SLC25A1: variants seen among roughly 807,000 people sequenced by gnomAD.
SLC25A1 encodes the protein tricarboxylate transport protein, mitochondrial.
In SLC25A1, 26 loss-of-function variants were observed where a neutral mutation model predicts 38.1. That is an observed-to-expected ratio of 0.68 (90% CI 0.50 to 0.95). The LOEUF (loss-of-function observed/expected upper bound fraction) is 0.95. Ranked by LOEUF, SLC25A1 falls within the 40% of genes least tolerant of loss-of-function variation. The probability of loss-of-function intolerance (pLI) is 0.00; values close to 1 mark genes in which losing one functional copy is unlikely to be tolerated. For missense variants in SLC25A1, 378 were observed against 426.6 expected (o/e 0.89, Z 1.00); for synonymous variants, 211 against 183.2 (o/e 1.15, Z -1.23).
At chr22:19,176,778 G>A in intron 6 of SLC25A1, 68 bp downstream of exon 6, 1 of 1,588,266 alleles carries the variant, frequency 6.3e-7, no homozygotes, top group Non-Finnish European at 8.6e-7. Flanking sequence ...CCGCCACCCA[G>A]GGGTGGCCCC....
At position 19,178,526 on chromosome 22, in the gene SLC25A1, C is replaced by T. The variant is rs1239242397; in HGVS notation, c.94+54G>A. 5 of 1,295,390 alleles carry T rather than the reference C, an allele frequency of 3.9e-6. No homozygotes were observed. The highest frequency in any genetic ancestry group is 2.5e-4 in the Middle Eastern group (1 of 3,950). The allele number at this position is 1,295,390 out of a possible 1,614,324, so 80.2% of individuals were successfully genotyped here. ...GAAGTGGGGCGGGGCCTCAGCGTCC[C>T]GGGCCCACCCAGAAGCGCGGCGGGA... is the stretch of plus-strand genomic sequence containing the variant. On this transcript the variant is annotated intron_variant, in intron 1 of 8. Transcript: ENST00000215882. This position sits in a 1 kb window ranked among gnomAD's most constrained non-coding sequence, Gnocchi z 4.9.
chr22:19,178,123 C>G lies in SLC25A1; in HGVS notation c.202+10G>C. ...CGCCCCCCGCGGCGCCGCGGCCTCC[C>G]CCTCCTCACCGATGCCCCGGTACCG... is the stretch of plus-strand genomic sequence containing the variant. On this transcript the variant is annotated intron_variant, in intron 2 of 8. Coordinates refer to ENST00000215882, the MANE Select transcript of SLC25A1 (RefSeq NM_005984.5). The surrounding 1 kb of genome is among the most constrained non-coding windows in gnomAD (Gnocchi z 4.9). The G allele has an allele frequency of 2.6e-6, 4 of 1,540,780 alleles. No homozygotes were observed. Among genetic ancestry groups the G allele is most frequent in the Non-Finnish European group, 3.5e-6 (4 of 1,143,180 alleles).
At position 19,176,136 on chromosome 22, in the gene SLC25A1, C is replaced by G. The variant is rs782063908; in HGVS notation, c.930G>C (p.Thr310=). The part of the protein sequence containing the change: ...VVKLLNKVWK[T]D Reference sequence around the variant, plus strand: ...CCTTGCGGCCTCTCTAGGCTTAGTCCGTCTTCCACACTTTGTTGAGCAGCT... The same window carrying G: ...CCTTGCGGCCTCTCTAGGCTTAGTCGGTCTTCCACACTTTGTTGAGCAGCT... Residue 310 remains threonine (T), a synonymous_variant, in exon 9 of 9, where the codon ACG becomes ACC. Transcript: ENST00000215882. 1.2e-6 allele frequency: 2 copies of G among 1,613,568 alleles called. No individual in the cohort carries two copies. The highest frequency in any genetic ancestry group is 2.2e-5 in the South Asian group (2 of 91,064).
intron 3 of SLC25A1, 32 bp from the exon 4 acceptor site, chr22:19,177,897 C>G: frequency 1.3e-6 from 2 of 1,582,294 alleles, no homozygotes; most frequent in Non-Finnish European, 8.6e-7. Context: ...GAGGGGCTGC[C>G]GCGGCCGAGC....
In SLC25A1 at chr22:19,178,223, T is replaced by C; in HGVS notation, c.112A>G (p.Ile38Val). 1 of 1,549,006 alleles carries C rather than the reference T, an allele frequency of 6.5e-7. No homozygotes were observed. The highest frequency in any genetic ancestry group is 8.7e-7 in the Non-Finnish European group (1 of 1,147,248). ...AILAGGLAGG[I>V]EICITFPTEY... Reference sequence around the variant, plus strand: ...GTGGGGAAGGTGATGCAGATCTCGATGCCACCCGCCAGGCCGCCTGCAGGG... The same window carrying C: ...GTGGGGAAGGTGATGCAGATCTCGACGCCACCCGCCAGGCCGCCTGCAGGG... The change falls in exon 2 of 9, where the codon ATC becomes GTC. Residue 38 changes from isoleucine (I) to valine (V), a missense_variant. Ile to Val is a conservative substitution (Grantham distance 29, BLOSUM62 3). Coordinates refer to ENST00000215882, the MANE Select transcript of SLC25A1 (RefSeq NM_005984.5). The surrounding 1 kb of genome is among the most constrained non-coding windows in gnomAD (Gnocchi z 4.9).
At chr22:19,177,291 G>A in intron 4 of SLC25A1, 87 bp from the exon 5 acceptor site, 1 of 1,091,200 alleles carries the variant, frequency 9.2e-7, no homozygotes, top group Non-Finnish European at 1.4e-6. Flanking sequence ...CATCCAGGGT[G>A]GAGGGAACTG....
rs2084007551 is a variant in SLC25A1 at position 19,178,417 on chromosome 22, C to T, written c.94+163G>A. The T allele has an allele frequency of 7.3e-7, 1 of 1,375,978 alleles. No individual in the cohort carries two copies. The highest frequency in any genetic ancestry group is 9.3e-7 in the Non-Finnish European group (1 of 1,069,746). The allele number at this position is 1,375,978 out of a possible 1,614,324, so 85.2% of individuals were successfully genotyped here. On this transcript the variant is annotated intron_variant, in intron 1 of 8. Transcript: ENST00000215882. This position sits in a 1 kb window ranked among gnomAD's most constrained non-coding sequence, Gnocchi z 4.9. ...TGTCCCGGCGAGGCGCAGGGGGTGACAGACGGGAGGCGGGCGAGTCCCAGC... is the reference window on the plus strand; with the variant it reads ...TGTCCCGGCGAGGCGCAGGGGGTGATAGACGGGAGGCGGGCGAGTCCCAGC...
At position 19,176,054 on chromosome 22, in the gene SLC25A1, G is replaced by T; in HGVS notation, c.*76C>A. ...TGGGAAGGGGCCTTTTGGCACTACT[G>T]CACTGGAATCGTGAGACAAAGGTAG... On this transcript the variant is annotated 3_prime_UTR_variant, in exon 9 of 9. Coordinates refer to ENST00000215882, the MANE Select transcript of SLC25A1 (RefSeq NM_005984.5). The T allele has an allele frequency of 8.8e-7, 1 of 1,141,054 alleles. No homozygotes were observed. The allele number at this position is 1,141,054 out of a possible 1,614,324, so 70.7% of individuals were successfully genotyped here.
Position 19,177,744 on chromosome 22 carries a change from G to A in SLC25A1, c.424C>T (p.Pro142Ser). 1 of 1,608,480 alleles carries A rather than the reference G, an allele frequency of 6.2e-7. No individual in the cohort carries two copies. The highest frequency in any genetic ancestry group is 8.5e-7 in the Non-Finnish European group (1 of 1,179,516). ...TTCCCCACCTTGATGGTCTCCATGGGGCACACGACCACCACGGCCTCGGCC... is the reference window on the plus strand; with the variant it reads ...TTCCCCACCTTGATGGTCTCCATGGAGCACACGACCACCACGGCCTCGGCC... ...GVAEAVVVVC[P>S]METIKVKFIH... The change falls in exon 4 of 9, where the codon CCC (proline) becomes TCC (serine). Residue 142 changes from proline (P) to serine (S), a missense_variant. Coordinates refer to ENST00000215882, the MANE Select transcript of SLC25A1 (RefSeq NM_005984.5).
chr22:19,177,387 C>T (rs2083976964), intron 4 of SLC25A1, among the ~76,000 whole-genome samples, 183 bp from the exon 5 acceptor site: 1 of 150,606 alleles, frequency 6.6e-6, no homozygotes, highest in Admixed American at 6.6e-5. Context: ...GCAGCCCACA[C>T]GGACCATGCT....
In SLC25A1 at chr22:19,178,310, C is replaced by T. The variant is rs558632091; in HGVS notation, c.95-70G>A. 9 of 1,529,934 alleles carry T rather than the reference C, an allele frequency of 5.9e-6. No homozygotes were observed. In the African/African-American group the frequency reaches 1.1e-4, roughly 19 times the overall value. The allele number at this position is 1,529,934 out of a possible 1,614,324, so 94.8% of individuals were successfully genotyped here. A position where few individuals can be genotyped will look rare whatever the true frequency, so the allele number is the denominator to read the frequency against. On this transcript the variant is annotated intron_variant, in intron 1 of 8. Transcript: ENST00000215882. The surrounding 1 kb of genome is among the most constrained non-coding windows in gnomAD (Gnocchi z 4.9). ...TGGCGCTCGGGCCCCTCCCCCGTCC[C>T]GGACTTCGGTCGGCGCGGCCGCCGC...
Position 19,176,404 on chromosome 22 carries a change from G to A in SLC25A1, c.821+17C>T. 6.8e-6 allele frequency: 11 copies of A among 1,610,546 alleles called. No individual in the cohort carries two copies. The South Asian group carries it at 1.1e-4, about 16-fold the overall frequency. ...GGTTTGAGGTGGGGACAATAGCCCT[G>A]CCCCTCCCCCACTCACGCCTTGAGC... On this transcript the variant is annotated intron_variant, in intron 8 of 8. Transcript: ENST00000215882.
In SLC25A1 at chr22:19,178,497, C is replaced by A; in HGVS notation, c.94+83G>T. Reference sequence around the variant, plus strand: ...CACGACTCCCCAGCCCACGGCCCAACCCGGAAGTGGGGCGGGGCCTCAGCG... The same window carrying A: ...CACGACTCCCCAGCCCACGGCCCAAACCGGAAGTGGGGCGGGGCCTCAGCG... On this transcript the variant is annotated intron_variant, in intron 1 of 8. Coordinates refer to ENST00000215882, the MANE Select transcript of SLC25A1 (RefSeq NM_005984.5). The surrounding 1 kb of genome is among the most constrained non-coding windows in gnomAD (Gnocchi z 4.9). 7.6e-7 allele frequency: 1 copy of A among 1,324,330 alleles called. No individual in the cohort carries two copies. The highest frequency in any genetic ancestry group is 9.6e-7 in the Non-Finnish European group (1 of 1,041,622). The allele number at this position is 1,324,330 out of a possible 1,614,324, so 82.0% of individuals were successfully genotyped here.
At position 19,178,379 on chromosome 22, in the gene SLC25A1, G is replaced by C; in HGVS notation, c.95-139C>G. 3 of 1,429,612 alleles carry C rather than the reference G, an allele frequency of 2.1e-6. No individual in the cohort carries two copies. In the South Asian group the frequency reaches 4.5e-5, roughly 21 times the overall value. The allele number at this position is 1,429,612 out of a possible 1,614,324, so 88.6% of individuals were successfully genotyped here. A position where few individuals can be genotyped will look rare whatever the true frequency, so the allele number is the denominator to read the frequency against. On this transcript the variant is annotated intron_variant, in intron 1 of 8. Coordinates refer to ENST00000215882, the MANE Select transcript of SLC25A1 (RefSeq NM_005984.5). The surrounding 1 kb of genome is among the most constrained non-coding windows in gnomAD (Gnocchi z 4.9). ...ATAGGCTGGGGCCCCACGCCCCCAT[G>C]CCCTCACCCCGTTGTCCCGGCGAGG...
rs2146148309 is a variant in SLC25A1, at chr22:19,178,237, C to T, written c.98G>A (p.Gly33Asp). ...THPGKAILAGGLAGGIEICIT... is the reference protein window; with the variant it reads ...THPGKAILAGDLAGGIEICIT... ...GCAGATCTCGATGCCACCCGCCAGG[C>T]CGCCTGCAGGGACCGGGAACCCGCT... The change falls in exon 2 of 9, where the codon GGC becomes GAC. Residue 33 changes from glycine to aspartate, a missense_variant. Transcript: ENST00000215882. This position sits in a 1 kb window ranked among gnomAD's most constrained non-coding sequence, Gnocchi z 4.9. 5 of 1,547,226 alleles carry T rather than the reference C, an allele frequency of 3.2e-6. No individual in the cohort carries two copies. The highest frequency in any genetic ancestry group is 1.4e-5 in the African/African-American group (1 of 72,344).
chr22:19,178,625 ACG>A lies in SLC25A1; in HGVS notation c.47_48del (p.Ala16ValfsTer72). 8.4e-7 allele frequency: 1 copy of A among 1,195,574 alleles called. No individual in the cohort carries two copies. The highest frequency in any genetic ancestry group is 1.0e-6 in the Non-Finnish European group (1 of 964,798). The allele number at this position is 1,195,574 out of a possible 1,614,324, so 74.1% of individuals were successfully genotyped here. A position where few individuals can be genotyped will look rare whatever the true frequency, so the allele number is the denominator to read the frequency against. ...APRALAAAAP[A>X]SGKAKLTHPG... ...GGGTGCGTCAGCTTGGCCTTCCCGG[ACG>A]CGGGCGCGGCGGCCGCCAGAGCGCG... On this transcript the variant is annotated frameshift_variant, in exon 1 of 9. Transcript: ENST00000215882. LOFTEE classifies it high-confidence loss of function. The surrounding 1 kb of genome is among the most constrained non-coding windows in gnomAD (Gnocchi z 4.9).
chr22:19,177,900 G>A, intron 3 of SLC25A1, 35 bp from the exon 4 acceptor site: 3 of 1,582,550 alleles, frequency 1.9e-6, no homozygotes, highest in Non-Finnish European at 2.6e-6. Flanking sequence ...GGGCTGCCGC[G>A]GCCGAGCCCC....
In SLC25A1 at chr22:19,176,514, G is replaced by A. The variant is rs1555922344; in HGVS notation, c.748-20C>T. The A allele has an allele frequency of 1.9e-6, 3 of 1,613,402 alleles. No individual in the cohort carries two copies. The highest frequency in any genetic ancestry group is 2.5e-6 in the Non-Finnish European group (3 of 1,179,656). ...CAGGCCCTATGGGGGACATCAGCAG[G>A]CAGGGGCTCAGCAGCTAGCTCTGGC... On this transcript the variant is annotated intron_variant, in intron 7 of 8. Coordinates refer to ENST00000215882, the MANE Select transcript of SLC25A1 (RefSeq NM_005984.5).
chr22:19,176,069 G>T lies in SLC25A1; in HGVS notation c.*61C>A. On this transcript the variant is annotated 3_prime_UTR_variant, in exon 9 of 9. Transcript: ENST00000215882. Reference sequence around the variant, plus strand: ...TGGCACTACTGCACTGGAATCGTGAGACAAAGGTAGCAGGACACTCTGGCG... The same window carrying T: ...TGGCACTACTGCACTGGAATCGTGATACAAAGGTAGCAGGACACTCTGGCG... 7.1e-7 allele frequency: 1 copy of T among 1,405,064 alleles called. No individual in the cohort carries two copies. The highest frequency in any genetic ancestry group is 1.0e-6 in the Non-Finnish European group (1 of 991,608). 87.0% of individuals were successfully genotyped at this position (1,405,064 alleles called of 1,614,324 possible). A position where few individuals can be genotyped will look rare whatever the true frequency, so the allele number is the denominator to read the frequency against.
Sources: allele counts gnomAD v4.1 joint callset (sites outside exome capture counted in the v4.1 genomes callset), GRCh38; gene constraint gnomAD v4.1.1; non-coding constraint Gnocchi (gnomAD v3.1); transcripts MANE v1.5; gene names NCBI Gene and HGNC (gene_info 2026-07-23, HGNC 2026-07-21).